The following POU6F2 variants were observed in gnomAD, a reference collection of about 807,000 sequenced individuals.
POU6F2 encodes the protein POU class 6 homeobox 2.
A neutral mutation model predicts 71.3 loss-of-function variants in POU6F2; 31 were observed. The ratio of observed to expected loss-of-function variants is 0.43; its 90% CI spans 0.33 to 0.59. The LOEUF (loss-of-function observed/expected upper bound fraction) is 0.59, where lower values mean the gene tolerates loss of function less well. Among genes scored for constraint, POU6F2 ranks in the 20% least tolerant of loss-of-function variants. The pLI is 0.04. For synonymous variants in POU6F2, 347 were observed against 355.7 expected, an observed-to-expected ratio of 0.98 and a Z score of 0.27; for missense variants, 783 against 856.8, an observed-to-expected ratio of 0.91 and a Z score of 1.07.
intron 1 of POU6F2, among the ~76,000 whole-genome samples, chr7:38,992,048 C>G (rs554260186): frequency 7.6e-4 from 116 of 152,284 alleles, no homozygotes; most frequent in African/African-American, 2.7e-3. Context: ...CATCTTACTC[C>G]TTCCCCTTAT....
chr7:39,276,155 G>A (rs896481300), intron 4 of POU6F2, among the ~76,000 whole-genome samples: 1 of 151,814 alleles, frequency 6.6e-6, no homozygotes, highest in African/African-American at 2.4e-5. Flanking sequence ...CTACTCATCT[G>A]ACAAAGGGCT....
intron 2 of POU6F2, among the ~76,000 whole-genome samples, chr7:39,106,893 G>GT (rs1165469544): frequency 1.3e-5 from 2 of 152,100 alleles, no homozygotes; most frequent in Non-Finnish European, 2.9e-5. Context: ...AGGAGAAATA[G>GT]TATTTCTTTT....
At chr7:39,233,521 G>T (rs2128750344) in intron 4 of POU6F2, among the ~76,000 whole-genome samples, 1 of 152,286 alleles carries the variant, frequency 6.6e-6, no homozygotes, top group Admixed American at 6.5e-5. Context: ...TCCCGAGGCT[G>T]ATCTACTTCC....
At chr7:39,257,470 G>A (rs1203171874) in intron 4 of POU6F2, among the ~76,000 whole-genome samples, 1 of 152,074 alleles carries the variant, frequency 6.6e-6, no homozygotes, top group African/African-American at 2.4e-5. Context: ...TAGCACATCT[G>A]AAAATAATTG....
At chr7:39,080,217 CATATT>C (rs1300528424) in intron 1 of POU6F2, among the ~76,000 whole-genome samples, 3 of 152,098 alleles carry the variant, frequency 2.0e-5, no homozygotes, top group African/African-American at 7.2e-5. Context: ...GAGAAATACT[CATATT>C]AAATATCATA....
chr7:39,024,933 C>G (rs555858792), intron 1 of POU6F2, among the ~76,000 whole-genome samples: 3 of 152,100 alleles, frequency 2.0e-5, no homozygotes, highest in Non-Finnish European at 4.4e-5. Context: ...ATTTTTGCAT[C>G]AATGTTTATC....
intron 3 of POU6F2, among the ~76,000 whole-genome samples, chr7:39,206,372 G>A (rs1794012356): frequency 1.3e-5 from 2 of 152,180 alleles, no homozygotes; most frequent in Non-Finnish European, 2.9e-5. Context: ...TACCAGAGAA[G>A]GGCTGTTCCA....
rs572367791 is a variant in POU6F2 at position 39,460,340 on chromosome 7, C to T, written c.1490-207C>T. The stretch of plus-strand genomic sequence containing the variant: ...GCTGTGGTTTTATCTGGGACAGAAA[C>T]ATCTCGAAGGATGATTTGTGGAGGT... On this transcript the variant is annotated intron_variant, in intron 8 of 9. Coordinates refer to ENST00000518318, the MANE Select transcript of POU6F2 (RefSeq NM_001370959.1). This position sits in a 1 kb window ranked among gnomAD's most constrained non-coding sequence, Gnocchi z 4.4. Among the ~76,000 whole-genome samples, 17 of 152,170 alleles carry T rather than the reference C, an allele frequency of 1.1e-4. No homozygotes were observed. Among genetic ancestry groups the T allele is most frequent in the Admixed American group, 2.0e-4 (3 of 15,284 alleles).
At chr7:39,348,066 G>T (rs1398567719) in intron 5 of POU6F2, among the ~76,000 whole-genome samples, 1 of 144,438 alleles carries the variant, frequency 6.9e-6, no homozygotes, top group African/African-American at 2.5e-5. Context: ...ACAGATATTA[G>T]GCTGGGAGAA....
Position 39,464,106 on chromosome 7 carries a change from TCAGG to T in POU6F2, c.1659-63_1659-60del, listed in dbSNP as rs1789011837. On this transcript the variant is annotated intron_variant, in intron 9 of 9. Transcript: ENST00000518318. This position sits in a 1 kb window ranked among gnomAD's most constrained non-coding sequence, Gnocchi z 4.1. ...GCAGTAAATTCGCCCTGCCAGGCAG[TCAGG>T]CAGGCAGGCAGGAGGCCCACCCTGG... The T allele has an allele frequency of 1.2e-5, 18 of 1,515,386 alleles. No homozygotes were observed. The highest frequency in any genetic ancestry group is 7.7e-5 in the Admixed American group (4 of 52,250). The allele number at this position is 1,515,386 out of a possible 1,614,324, so 93.9% of individuals were successfully genotyped here. A position where few individuals can be genotyped will look rare whatever the true frequency, so the allele number is the denominator to read the frequency against.
chr7:39,085,818 C>T lies in POU6F2; in HGVS notation c.106-42C>T, dbSNP rs749762568. On this transcript the variant is annotated intron_variant, in intron 1 of 9. Transcript: ENST00000518318. ...GAGAGGACACGCACTCTAAATCTGCCACTTTTTTTTTCCTCCCCTTCACTC... is the reference window on the plus strand; with the variant it reads ...GAGAGGACACGCACTCTAAATCTGCTACTTTTTTTTTCCTCCCCTTCACTC... 7 of 1,604,816 alleles carry T rather than the reference C, an allele frequency of 4.4e-6. No homozygotes were observed. In the Admixed American group the frequency reaches 6.8e-5, roughly 15 times the overall value.
intron 1 of POU6F2, among the ~76,000 whole-genome samples, chr7:39,019,737 T>C (rs1438582802): frequency 6.6e-6 from 1 of 152,096 alleles, no homozygotes; most frequent in African/African-American, 2.4e-5. Flanking sequence ...CAATTACATT[T>C]TGAATTTTCA....
chr7:39,254,688 T>C (rs1191238614), intron 4 of POU6F2, among the ~76,000 whole-genome samples: 1 of 152,192 alleles, frequency 6.6e-6, no homozygotes, highest in Non-Finnish European at 1.5e-5. Context: ...CCATCCTCAA[T>C]CTGTTTTCTG....
chr7:39,319,951 T>A (rs1159962347), intron 4 of POU6F2, among the ~76,000 whole-genome samples: 2 of 152,256 alleles, frequency 1.3e-5, no homozygotes, highest in Non-Finnish European at 2.9e-5. Context: ...TCTATGCATC[T>A]TGTTTCAGCA....
intron 2 of POU6F2, among the ~76,000 whole-genome samples, chr7:39,099,032 T>G (rs1791516640): frequency 1.3e-5 from 2 of 152,164 alleles, no homozygotes; most frequent in African/African-American, 4.8e-5. Context: ...CTTCAGTCTT[T>G]GCTTTCTCTT....
At chr7:39,420,812 G>A (rs1433324760) in intron 6 of POU6F2, among the ~76,000 whole-genome samples, 1 of 152,088 alleles carries the variant, frequency 6.6e-6, no homozygotes, top group African/African-American at 2.4e-5. Context: ...TGACAAGGCT[G>A]TACTTTGAAA....
At chr7:39,143,232 G>T (rs1792543260) in intron 2 of POU6F2, among the ~76,000 whole-genome samples, 1 of 152,200 alleles carries the variant, frequency 6.6e-6, no homozygotes, top group African/African-American at 2.4e-5. Context: ...GGCTGCCAAA[G>T]GACCTAGTGA....
intron 1 of POU6F2, among the ~76,000 whole-genome samples, chr7:38,999,270 G>C (rs1788831328): frequency 6.6e-6 from 1 of 152,080 alleles, no homozygotes; most frequent in Admixed American, 6.6e-5. Context: ...ATTAGCTACT[G>C]GAGGCAGGGG....
intron 1 of POU6F2, among the ~76,000 whole-genome samples, chr7:39,062,502 G>A (rs983649460): frequency 6.6e-6 from 1 of 151,264 alleles, no homozygotes; most frequent in Non-Finnish European, 1.5e-5. Context: ...GAAGGCAATT[G>A]CCCATTCCAT....
Sources: gnomAD v4.1 joint callset for allele counts (sites outside exome capture counted in the v4.1 genomes callset) on GRCh38, gnomAD v4.1.1 for gene constraint, Gnocchi (gnomAD v3.1) non-coding constraint, MANE v1.5 for transcripts, NCBI Gene and HGNC (gene_info 2026-07-23, HGNC 2026-07-21) for gene names.